SH3KBP1: variants seen among roughly 807,000 people sequenced by gnomAD.
SH3KBP1 encodes SH3 domain-containing kinase-binding protein 1.
SH3KBP1 carries 8 observed loss-of-function variants against 50.1 expected under a neutral mutation model. The ratio of observed to expected loss-of-function variants is 0.16; its 90% confidence interval spans 0.09 to 0.29. The LOEUF is 0.29. SH3KBP1 is among the 10% of genes least tolerant of loss of function. The pLI is 1.00. For synonymous variants in SH3KBP1, 227 were observed against 218.6 expected (o/e 1.04, Z -0.34); for missense variants, 377 against 535.2 (o/e 0.70, Z 2.92).
At chrX:19,585,691 C>CACT (rs36087825) in intron 12 of SH3KBP1, among the ~76,000 whole-genome samples, 1 of 72,896 alleles carries the variant, frequency 1.4e-5, no homozygotes, top group Non-Finnish European at 2.7e-5. Flanking sequence ...CCACCACTAC[C>CACT]AGCAGCAGCA....
intron 2 of SH3KBP1, among the ~76,000 whole-genome samples, chrX:19,789,977 C>A (rs1351133499): frequency 9.1e-6 from 1 of 110,380 alleles, no homozygotes; most frequent in Non-Finnish European, 1.9e-5. Flanking sequence ...CAGGGAGAGT[C>A]CCCAGGGCAC....
intron 1 of SH3KBP1, among the ~76,000 whole-genome samples, chrX:19,858,876 G>A (rs979830350): frequency 5.4e-5 from 6 of 111,952 alleles, no homozygotes; most frequent in Admixed American, 9.5e-5. Flanking sequence ...GAAACCTATC[G>A]CTTGGTCAAG....
At chrX:19,886,681 G>A (rs1603294699) in intron 1 of SH3KBP1, among the ~76,000 whole-genome samples, 1 of 111,424 alleles carries the variant, frequency 9.0e-6, no homozygotes, top group East Asian at 2.8e-4. Flanking sequence ...GAGCTCGCCA[G>A]GCTGGAGGAA....
At chrX:19,861,483 ATAGAAT>A (rs2068777466) in intron 1 of SH3KBP1, among the ~76,000 whole-genome samples, 1 of 112,024 alleles carries the variant, frequency 8.9e-6, no homozygotes, top group Admixed American at 9.4e-5. Context: ...TTCATGGAAA[ATAGAAT>A]TAAAAGATAA....
intron 15 of SH3KBP1, among the ~76,000 whole-genome samples, chrX:19,542,975 G>A (rs968776907): frequency 2.7e-5 from 3 of 112,210 alleles, no homozygotes; most frequent in African/African-American, 9.7e-5. Context: ...ATCTGGAGCT[G>A]GAGAGAACTG....
chrX:19,690,366 C>T (rs1364033211), intron 5 of SH3KBP1, among the ~76,000 whole-genome samples: 1 of 111,536 alleles, frequency 9.0e-6, no homozygotes, highest in Non-Finnish European at 1.9e-5. Context: ...CCTCCATCTT[C>T]ATCTTTGTCT....
At chrX:19,728,681 T>C (rs138291634) in intron 3 of SH3KBP1, among the ~76,000 whole-genome samples, 1 of 111,773 alleles carries the variant, frequency 8.9e-6, no homozygotes, top group African/African-American at 3.3e-5. Flanking sequence ...TATTTCTTCC[T>C]GGGAACGTTG....
intron 6 of SH3KBP1, among the ~76,000 whole-genome samples, chrX:19,672,740 A>G (rs2062828037): frequency 1.8e-5 from 2 of 111,623 alleles, no homozygotes; most frequent in Non-Finnish European, 1.9e-5. Context: ...GGACATCTGA[A>G]TAAAGCATGG....
intron 13 of SH3KBP1, among the ~76,000 whole-genome samples, chrX:19,559,458 C>T (rs1378063564): frequency 1.9e-5 from 2 of 104,183 alleles, no homozygotes; most frequent in African/African-American, 7.0e-5. Flanking sequence ...TCCAGAGTAG[C>T]TGGGATTACA....
intron 3 of SH3KBP1, among the ~76,000 whole-genome samples, chrX:19,724,679 G>A (rs1181812125): frequency 1.8e-5 from 2 of 113,165 alleles, no homozygotes; most frequent in South Asian, 7.1e-4. Flanking sequence ...ATGGGCCATC[G>A]TTTGCTGACT....
intron 13 of SH3KBP1, 82 bp downstream of exon 13, chrX:19,569,021 A>T: frequency 1.2e-6 from 1 of 846,923 alleles, no homozygotes; most frequent in South Asian, 2.0e-5. Context: ...ATTACTTCTC[A>T]TCATGCTGGT....
chrX:19,781,657 G>A (rs1222017651), intron 2 of SH3KBP1, among the ~76,000 whole-genome samples: 1 of 109,678 alleles, frequency 9.1e-6, no homozygotes, highest in Admixed American at 9.8e-5. Flanking sequence ...TCCAGAAAAG[G>A]CAGATCTAGA....
intron 2 of SH3KBP1, among the ~76,000 whole-genome samples, chrX:19,804,881 TA>T (rs1257500039): frequency 0.046 from 218 of 4,714 alleles, no homozygotes; most frequent in Middle Eastern, 0.1. Flanking sequence ...GCCCAAACCC[TA>T]CCCCCCCCCC....
chrX:19,779,260 C>A (rs1362631610), intron 2 of SH3KBP1, among the ~76,000 whole-genome samples: 5 of 103,155 alleles, frequency 4.8e-5, no homozygotes, highest in Non-Finnish European at 9.8e-5. Context: ...GATTATACCT[C>A]TGCACTCCAG....
chrX:19,790,823 A>G (rs965845704), intron 2 of SH3KBP1, among the ~76,000 whole-genome samples: 1 of 110,819 alleles, frequency 9.0e-6, no homozygotes, highest in African/African-American at 3.3e-5. Context: ...CTATGCTTCT[A>G]TTTCAGAGAC....
rs750384647 is a variant in SH3KBP1, at chrX:19,536,231, C to A, written c.*186G>T. ...AACGAGTGCCAGCCCCAGGACTAAA[C>A]CCTGGGGAAGATTCTCCTCTTGGAT... On this transcript the variant is annotated 3_prime_UTR_variant, in exon 18 of 18. Transcript: ENST00000397821. The A allele has an allele frequency of 6.7e-4, 249 of 371,393 alleles. 1 individual carries two copies. Among genetic ancestry groups the A allele is most frequent in the African/African-American group, 5.1e-3 (196 of 38,193 alleles). The allele number at this position is 371,393 out of a possible 1,213,427, so 30.6% of individuals were successfully genotyped here.
chrX:19,645,607 C>T (rs2061971992), intron 6 of SH3KBP1, 132 bp from the exon 7 acceptor site: 2 of 479,436 alleles, frequency 4.2e-6, no homozygotes, highest in Admixed American at 7.2e-5. Flanking sequence ...TTATGCCCTG[C>T]TCTGTATACT....
intron 6 of SH3KBP1, among the ~76,000 whole-genome samples, chrX:19,656,106 G>A (rs1026025749): frequency 9.0e-6 from 1 of 111,454 alleles, no homozygotes; most frequent in Non-Finnish European, 1.9e-5. Flanking sequence ...CAGGATCGAG[G>A]GTGGCAGGGA....
intron 9 of SH3KBP1, among the ~76,000 whole-genome samples, chrX:19,596,211 C>T (rs1483172492): frequency 8.9e-6 from 1 of 111,840 alleles, no homozygotes; most frequent in South Asian, 3.7e-4. Flanking sequence ...TCAGAGATAA[C>T]GCAAACTCGG....
Sources: allele counts gnomAD v4.1 joint callset (sites outside exome capture counted in the v4.1 genomes callset), GRCh38; gene constraint gnomAD v4.1.1; transcripts MANE v1.5; gene names NCBI Gene and HGNC (gene_info 2026-07-23, HGNC 2026-07-21).